MAP4K1: variants seen among roughly 807,000 people sequenced by gnomAD.
The protein encoded by MAP4K1 is MAPK/ERK kinase kinase kinase 1.
Under a neutral mutation model 122.8 loss-of-function variants are expected in MAP4K1, and 35 were observed. That is an observed-to-expected ratio of 0.29 (90% CI 0.22 to 0.38). MAP4K1 has a LOEUF of 0.38. MAP4K1 is among the 10% of genes least tolerant of loss of function. MAP4K1 has a pLI of 1.00. For missense variants in MAP4K1, 791 were observed against 1,072.6 expected, an observed-to-expected ratio of 0.74 and a Z score of 3.67; for synonymous variants, 412 against 421.3, an observed-to-expected ratio of 0.98 and a Z score of 0.27.
At position 38,605,406 on chromosome 19, in the gene MAP4K1, C is replaced by T. The variant is rs1166131371; in HGVS notation, c.1446+3G>A. On this transcript the variant is annotated splice_donor_region_variant and intron_variant, in intron 19 of 30. Coordinates refer to ENST00000396857, the MANE Select transcript of MAP4K1 (RefSeq NM_001042600.3). ...GTAAGTCCTCAGCAGAGCTGAACCT[C>T]ACCTTTCTCTTCATCTTTTCCTTCT... 3 of 1,591,408 alleles carry T rather than the reference C, an allele frequency of 1.9e-6. No individual in the cohort carries two copies. The highest frequency in any genetic ancestry group is 2.3e-5 in the East Asian group (1 of 44,166).
At position 38,596,331 on chromosome 19, in the gene MAP4K1, C is replaced by T. The variant is rs753651363; in HGVS notation, c.2097G>A (p.Trp699Ter). 6.3e-7 allele frequency: 1 copy of T among 1,592,792 alleles called. No individual in the cohort carries two copies. The highest frequency in any genetic ancestry group is 8.6e-7 in the Non-Finnish European group (1 of 1,169,254). ...ACTCACCGGTGCTCATCTCGCCCAG[C>T]CAGCAAGAGAGCGCGCCAAAGCGCA... is the stretch of plus-strand genomic sequence containing the variant. ...HTVRFGALSC[W>*]LGEMSTEHRG... is the part of the protein sequence containing the mutation. The change falls in exon 26 of 31, where the codon TGG becomes TGA. Residue 699 changes from tryptophan to a stop codon, truncating the protein, a stop_gained. Transcript: ENST00000396857. LOFTEE classifies it high-confidence loss of function.
rs768653030 is a variant in MAP4K1 at position 38,587,753 on chromosome 19, C to G, written c.2461G>C (p.Glu821Gln). The change falls in exon 31 of 31, where the codon GAA (glutamate) becomes CAA (glutamine). Residue 821 changes from glutamate (E) to glutamine (Q), a missense_variant. Glu to Gln is a conservative substitution (Grantham distance 29). Transcript: ENST00000396857. ...PTAPSNLYIQ[E>Q] ...CCTGACACCCCCCTAGGGACTCATT[C>G]CTGGATGTAGAGGTTGCTGGGAGCA... 1.2e-6 allele frequency: 2 copies of G among 1,613,884 alleles called. No individual in the cohort carries two copies. The highest frequency in any genetic ancestry group is 2.2e-5 in the South Asian group (2 of 91,070).
At position 38,614,334 on chromosome 19, in the gene MAP4K1, G is replaced by T. The variant is rs750822198; in HGVS notation, c.370-42C>A. 3 of 1,614,054 alleles carry T rather than the reference G, an allele frequency of 1.9e-6. No individual in the cohort carries two copies. The Admixed American group carries it at 5.0e-5, about 27-fold the overall frequency. ...ACAAGGGGACAGTGAGTGTTTGGGG[G>T]CTGGAGTGGGGCCACCCTCCCCTCC... On this transcript the variant is annotated intron_variant, in intron 5 of 30. Transcript: ENST00000396857.
At chr19:38,602,245 T>C (rs530458540) in intron 19 of MAP4K1, among the ~76,000 whole-genome samples, 1 of 152,182 alleles carries the variant, frequency 6.6e-6, no homozygotes, top group Non-Finnish European at 1.5e-5. Flanking sequence ...CTGGCTAATT[T>C]TTGTATTTTA....
In MAP4K1 at chr19:38,595,533, C is replaced by T. The variant is rs1164349617; in HGVS notation, c.2292G>A (p.Gln764=). The part of the protein sequence containing the change: ...EAVAMVGGQL[Q]AFWKHGVQVW... ...CCTGCACTCCATGCTTCCAGAAGGC[C>T]TGAAGCTGACCTCCAACCATAGCTG... The change falls in exon 29 of 31, where the codon CAG becomes CAA. Residue 764 remains glutamine (Q), a synonymous_variant. Coordinates refer to ENST00000396857, the MANE Select transcript of MAP4K1 (RefSeq NM_001042600.3). 1 of 1,614,094 alleles carries T rather than the reference C, an allele frequency of 6.2e-7. No homozygotes were observed. Among genetic ancestry groups the T allele is most frequent in the South Asian group, 1.1e-5 (1 of 91,076 alleles).
chr19:38,590,394 AATATATATATATATATATATATAT>A (rs1163055879), intron 30 of MAP4K1, among the ~76,000 whole-genome samples: 1 of 17,298 alleles, frequency 5.8e-5, no homozygotes, highest in Non-Finnish European at 1.0e-4. Flanking sequence ...AAAAAAAAAA[AATATATATATATATATATATATAT>A]ATATATATAT....
At position 38,607,898 on chromosome 19, in the gene MAP4K1, C is replaced by T; in HGVS notation, c.1123G>A (p.Glu375Lys). ...RSSSPRKQLS[E>K]SSDDDYDDVD... is the part of the protein sequence containing the mutation. ...TCGTCATAGTCATCGTCAGACGACT[C>T]TGACAGTTGCTTCCTGAAGGGTGAC... The change falls in exon 16 of 31, where the codon GAG becomes AAG. Residue 375 changes from glutamate (E) to lysine (K), a missense_variant. Physicochemically the swap from Glu to Lys is moderately conservative, Grantham distance 56. Transcript: ENST00000396857. 6.2e-7 allele frequency: 1 copy of T among 1,612,356 alleles called. No homozygotes were observed.
At chr19:38,600,582 C>G (rs1975030862) in intron 20 of MAP4K1, among the ~76,000 whole-genome samples, 1 of 152,040 alleles carries the variant, frequency 6.6e-6, no homozygotes, top group Admixed American at 6.6e-5. Context: ...CTGACCTTGT[C>G]TTCATCTCTT....
At position 38,592,917 on chromosome 19, in the gene MAP4K1, C is replaced by CAATAAATAAATAAATAAATAAATA. The variant is rs144296421; in HGVS notation, c.2396+341_2396+364dup. On this transcript the variant is annotated intron_variant, in intron 30 of 30. Coordinates refer to ENST00000396857, the MANE Select transcript of MAP4K1 (RefSeq NM_001042600.3). ...GGGCAACAAAAGCAAAACTCCATCT[C>CAATAAATAAATAAATAAATAAATA]AATAAATAAATAAATAAATAAATAA... is the stretch of plus-strand genomic sequence containing the variant. Among the ~76,000 whole-genome samples, 110 of 151,258 alleles carry CAATAAATAAATAAATAAATAAATA rather than the reference C, an allele frequency of 7.3e-4. 1 individual carries two copies. The highest frequency in any genetic ancestry group is 2.6e-3 in the African/African-American group (105 of 41,014).
intron 8 of MAP4K1, 84 bp downstream of exon 8, chr19:38,613,796 C>G: frequency 9.3e-7 from 1 of 1,076,166 alleles, no homozygotes; most frequent in South Asian, 1.4e-5. Flanking sequence ...GGAACGGAGC[C>G]AGGAAAGAGG....
In MAP4K1 at chr19:38,601,222, T is replaced by A. The variant is rs144794033; in HGVS notation, c.1531+219A>T. ...CCTCAGCCTCCCAAAGTGCTGGGAT[T>A]ACAGGTGTGAGCCACCACACCTGGC... On this transcript the variant is annotated intron_variant, in intron 20 of 30. Coordinates refer to ENST00000396857, the MANE Select transcript of MAP4K1 (RefSeq NM_001042600.3). 2.2e-3 allele frequency among the ~76,000 whole-genome samples: 340 copies of A among 152,244 alleles called. 7 individuals are homozygous for A. In the South Asian group the frequency reaches 0.032, roughly 14 times the overall value.
rs2144734555 is a variant in MAP4K1, at chr19:38,609,812, C to G, written c.927+97G>C. On this transcript the variant is annotated intron_variant, in intron 12 of 30. Coordinates refer to ENST00000396857, the MANE Select transcript of MAP4K1 (RefSeq NM_001042600.3). The stretch of plus-strand genomic sequence containing the variant: ...GCTCCCCATCCTCCCTCCCTGTTTT[C>G]CCCCTAAGAGAGGCAGCAGGAAGGC... 9 of 1,324,938 alleles carry G rather than the reference C, an allele frequency of 6.8e-6. No homozygotes were observed. In the South Asian group the frequency reaches 1.0e-4, roughly 15 times the overall value. 82.1% of individuals were successfully genotyped at this position (1,324,938 alleles called of 1,614,324 possible).
At position 38,609,991 on chromosome 19, in the gene MAP4K1, C is replaced by T. The variant is rs746952948; in HGVS notation, c.845G>A (p.Gly282Asp). The T allele has an allele frequency of 1.9e-6, 3 of 1,614,164 alleles. No individual in the cohort carries two copies. Among genetic ancestry groups the T allele is most frequent in the Admixed American group, 1.7e-5 (1 of 60,012 alleles). ...QLVSQPGLNR[G>D]LILDLLDKLK... ...TTTGTCAAGAAGATCCAGGATCAGG[C>T]CTCGATTCAGCCCAGGCTGGGATAC... Residue 282 changes from glycine (G) to aspartate (D), a missense_variant, in exon 12 of 31, where the codon GGC (glycine) becomes GAC (aspartate). By Grantham distance (94) the Gly-to-Asp change is moderately conservative. Coordinates refer to ENST00000396857, the MANE Select transcript of MAP4K1 (RefSeq NM_001042600.3).
intron 22 of MAP4K1, among the ~76,000 whole-genome samples, chr19:38,599,390 G>GGT (rs1974993803): frequency 6.7e-6 from 1 of 149,898 alleles, no homozygotes. Context: ...GGCCAGGTGT[G>GGT]GTGGCTCATG....
chr19:38,612,756 C>A lies in MAP4K1; in HGVS notation c.534-14G>T. On this transcript the variant is annotated splice_polypyrimidine_tract_variant and intron_variant, in intron 8 of 30. Coordinates refer to ENST00000396857, the MANE Select transcript of MAP4K1 (RefSeq NM_001042600.3). ...TCCGGAGCCATCCTGGGGGCAGACA[C>A]GCTCAGAGAGCCAGAGGTGGCATGG... 6 of 1,611,298 alleles carry A rather than the reference C, an allele frequency of 3.7e-6. No homozygotes were observed. Among genetic ancestry groups the A allele is most frequent in the Non-Finnish European group, 5.1e-6 (6 of 1,178,872 alleles).
rs1975011440 is a variant in MAP4K1 at position 38,599,966 on chromosome 19, G to A, written c.1628C>T (p.Thr543Met). 4 of 1,614,146 alleles carry A rather than the reference G, an allele frequency of 2.5e-6. No homozygotes were observed. Among genetic ancestry groups the A allele is most frequent in the Middle Eastern group, 1.6e-4 (1 of 6,062 alleles). Residue 543 changes from threonine to methionine, a missense_variant, in exon 22 of 31, where the codon ACG becomes ATG. Around this residue, in one of 4 missense-constraint regions of MAP4K1, gnomAD observed 58 missense variants for 118.7 expected, o/e 0.49. Coordinates refer to ENST00000396857, the MANE Select transcript of MAP4K1 (RefSeq NM_001042600.3). Reference protein sequence around the residue: ...TLEMLFPSRTTWVYSINNVLM... With the variant: ...TLEMLFPSRTMWVYSINNVLM... ...AACGTTGTTGATGGAGTACACCCAC[G>A]TAGTCCGGCTAGGAAAGAGCTGCAG...
At chr19:38,614,191 A>T in intron 6 of MAP4K1, 54 bp downstream of exon 6, 2 of 1,608,490 alleles carry the variant, frequency 1.2e-6, no homozygotes, top group Non-Finnish European at 1.7e-6. Flanking sequence ...CTGAAATGCC[A>T]CTCCCATCTC....
rs1173199930 is a variant in MAP4K1, at chr19:38,617,875, G to A, written c.21C>T (p.Asp7=). The A allele has an allele frequency of 1.9e-6, 3 of 1,614,144 alleles. No individual in the cohort carries two copies. Among genetic ancestry groups the A allele is most frequent in the Non-Finnish European group, 2.5e-6 (3 of 1,180,014 alleles). The stretch of plus-strand genomic sequence containing the variant: ...GGTCCCGGGGGTCTCTATTGAAAAT[G>A]TCAGGGTCCACGACGTCCATCCCTG... MDVVDP[D]IFNRDPRDHY... The change falls in exon 1 of 31, where the codon GAC becomes GAT. Residue 7 remains aspartate (D), a synonymous_variant. Coordinates refer to ENST00000396857, the MANE Select transcript of MAP4K1 (RefSeq NM_001042600.3). This position sits in a 1 kb window ranked among gnomAD's most constrained non-coding sequence, Gnocchi z 4.1.
intron 30 of MAP4K1, among the ~76,000 whole-genome samples, chr19:38,590,383 AAAAAAAAAAAAATATATATATAT>A (rs1230521691): frequency 2.9e-5 from 2 of 69,958 alleles, no homozygotes; most frequent in African/African-American, 1.5e-4. Flanking sequence ...GAAAAAAAAA[AAAAAAAAAAAAATATATATATAT>A]ATATATATAT....
Sources: gnomAD v4.1 joint callset for allele counts (sites outside exome capture counted in the v4.1 genomes callset) on GRCh38, gnomAD v4.1.1 for gene constraint, gnomAD v4.1.1 regional missense constraint, Gnocchi (gnomAD v3.1) non-coding constraint, MANE v1.5 for transcripts, NCBI Gene and HGNC (gene_info 2026-07-23, HGNC 2026-07-21) for gene names.